Variants in ARHGEF18 observed in about 807,000 individuals in gnomAD.
The protein encoded by ARHGEF18 is Rho/Rac guanine nucleotide exchange factor 18.
ARHGEF18 carries 93 observed loss-of-function variants against 155.7 expected under a neutral mutation model. The observed-to-expected ratio is 0.60, with a 90% confidence interval of 0.50 to 0.71. ARHGEF18 has a LOEUF of 0.71. Among genes scored for constraint, ARHGEF18 ranks in the 30% least tolerant of loss-of-function variants. ARHGEF18 has a pLI of 0.00. For missense variants in ARHGEF18, 1,593 were observed against 1,816.1 expected, an observed-to-expected ratio of 0.88 and a Z score of 2.23; for synonymous variants, 742 against 753.1, an observed-to-expected ratio of 0.99 and a Z score of 0.24.
chr19:7,366,449 C>T (rs146079080), intron 2 of ARHGEF18, among the ~76,000 whole-genome samples: 2 of 152,328 alleles, frequency 1.3e-5, no homozygotes, highest in South Asian at 2.1e-4. Context: ...TGTTCTTTCA[C>T]TGCCTGTAAT....
intron 10 of ARHGEF18, among the ~76,000 whole-genome samples, chr19:7,434,249 G>A (rs1287064265): frequency 4.6e-5 from 7 of 151,812 alleles, no homozygotes; most frequent in African/African-American, 1.5e-4. Flanking sequence ...TCAGCCTCCC[G>A]AAGTGCTGGG....
rs1976359317 is a variant in ARHGEF18, at chr19:7,462,778, TG to T, written c.2635+447del. 6.6e-6 allele frequency among the ~76,000 whole-genome samples: 1 copy of T among 151,652 alleles called. No individual in the cohort carries two copies. Among genetic ancestry groups the T allele is most frequent in the South Asian group, 2.1e-4 (1 of 4,802 alleles). Reference sequence around the variant, plus strand: ...AGCTCTAACACAGCCGCCAGGCCCCTGGGCTGGCCGCTTGAGCAGGCAGTCA... The same window carrying T: ...AGCTCTAACACAGCCGCCAGGCCCCTGGCTGGCCGCTTGAGCAGGCAGTCA... On this transcript the variant is annotated intron_variant, in intron 21 of 28. Transcript: ENST00000668164. This position sits in a 1 kb window ranked among gnomAD's most constrained non-coding sequence, Gnocchi z 4.4.
intron 10 of ARHGEF18, among the ~76,000 whole-genome samples, chr19:7,397,927 C>T (rs374454324): frequency 1.3e-5 from 2 of 151,954 alleles, no homozygotes; most frequent in Non-Finnish European, 1.5e-5. Context: ...TCATGTGCAA[C>T]GTGACATATT....
rs74430301 is a variant in ARHGEF18, at chr19:7,429,862, C to T, written c.968-10482C>T. ...GTTCTGGTTCTTTCTTAAATCAGAGCGCTCCCGTGCATATGCCTTAGCAAA... is the reference window on the plus strand; with the variant it reads ...GTTCTGGTTCTTTCTTAAATCAGAGTGCTCCCGTGCATATGCCTTAGCAAA... On this transcript the variant is annotated intron_variant, in intron 10 of 28. Transcript: ENST00000668164. Among the ~76,000 whole-genome samples the T allele has an allele frequency of 8.1e-3, 1,234 of 152,084 alleles. 46 individuals are homozygous for T. Among genetic ancestry groups the T allele is most frequent in the Admixed American group, 0.053 (802 of 15,272 alleles).
chr19:7,356,663 T>C (rs1969319529), intron 1 of ARHGEF18, among the ~76,000 whole-genome samples: 2 of 152,308 alleles, frequency 1.3e-5, no homozygotes, highest in Middle Eastern at 6.8e-3. Flanking sequence ...AGGACAGTGC[T>C]GGACAATATC....
At position 7,463,609 on chromosome 19, in the gene ARHGEF18, G is replaced by A. The variant is rs776039516; in HGVS notation, c.2636-209G>A. On this transcript the variant is annotated intron_variant, in intron 21 of 28. Transcript: ENST00000668164. This position sits in a 1 kb window ranked among gnomAD's most constrained non-coding sequence, Gnocchi z 5.2. Reference sequence around the variant, plus strand: ...CACAGCCCTGTCCTCTCACTTAGACGCAGATTGGCCTGTCCTGGTGGCCAT... The same window carrying A: ...CACAGCCCTGTCCTCTCACTTAGACACAGATTGGCCTGTCCTGGTGGCCAT... 2.6e-5 allele frequency among the ~76,000 whole-genome samples: 4 copies of A among 152,196 alleles called. No homozygotes were observed. The highest frequency in any genetic ancestry group is 5.9e-5 in the Non-Finnish European group (4 of 68,028).
At chr19:7,375,367 A>G in intron 3 of ARHGEF18, among the ~76,000 whole-genome samples, 1 of 149,200 alleles carries the variant, frequency 6.7e-6, no homozygotes, top group Admixed American at 6.7e-5. Context: ...GGAAGGAAGG[A>G]AGGAAGGAAG....
At chr19:7,421,200 T>A (rs969047560) in intron 10 of ARHGEF18, among the ~76,000 whole-genome samples, 4 of 152,024 alleles carry the variant, frequency 2.6e-5, no homozygotes, top group African/African-American at 9.7e-5. Flanking sequence ...CAAATGCCGT[T>A]CCTCAGGATT....
At chr19:7,478,547 G>T in the ARHGEF18 span, among the ~76,000 whole-genome samples, 7 of 152,166 alleles carry the variant, frequency 4.6e-5, no homozygotes, top group Non-Finnish European at 1.0e-4. Flanking sequence ...TCATGCTCCC[G>T]GGGACTCATC....
chr19:7,434,148 G>A (rs983443396), intron 10 of ARHGEF18, among the ~76,000 whole-genome samples: 16 of 151,740 alleles, frequency 1.1e-4, no homozygotes, highest in African/African-American at 3.9e-4. Context: ...TCTTGTTTTA[G>A]TGTTTTTTAA....
chr19:7,478,469 T>G, the ARHGEF18 span: 1 of 1,349,080 alleles, frequency 7.4e-7, no homozygotes, highest in Non-Finnish European at 1.0e-6. Flanking sequence ...CTGGGACAGG[T>G]GCTGCATCTC....
chr19:7,434,591 G>T (rs760379260), intron 10 of ARHGEF18, among the ~76,000 whole-genome samples: 38 of 152,160 alleles, frequency 2.5e-4, no homozygotes, highest in Non-Finnish European at 4.7e-4. Flanking sequence ...CACAGAAAGT[G>T]CTGGACAGCA....
intron 18 of ARHGEF18, among the ~76,000 whole-genome samples, chr19:7,457,093 A>G (rs577126584): frequency 5.3e-5 from 8 of 152,250 alleles, no homozygotes; most frequent in African/African-American, 1.9e-4. Context: ...ACAAAGTACC[A>G]TGGACTGGGT....
At chr19:7,456,875 C>T (rs755065581) in intron 18 of ARHGEF18, among the ~76,000 whole-genome samples, 18 of 152,308 alleles carry the variant, frequency 1.2e-4, no homozygotes, top group Admixed American at 3.9e-4. Flanking sequence ...GCTGGGATTA[C>T]AGGCGCCCGC....
intron 10 of ARHGEF18, among the ~76,000 whole-genome samples, chr19:7,385,901 TCTCTCC>T (rs1568285915): frequency 5.2e-4 from 25 of 48,172 alleles, no homozygotes; most frequent in East Asian, 7.7e-4. Flanking sequence ...CCTCCCTCTC[TCTCTCC>T]CTCTCTCCCT....
At chr19:7,478,350 C>G in the ARHGEF18 span, 1 of 1,611,378 alleles carries the variant, frequency 6.2e-7, no homozygotes, top group Non-Finnish European at 8.5e-7. Flanking sequence ...CAGCCTCTGT[C>G]TCAGTTTCAG....
chr19:7,395,053 T>TCCTTCCGGGTCACGCCC lies in ARHGEF18; in HGVS notation c.967+11851_967+11867dup. ...AGCGCCCCGCCCTCGAGGGCACGCC[T>TCCTTCCGGGTCACGCCC]CCTTCCGGGTCACGCCCTCTGCCCC... On this transcript the variant is annotated intron_variant, in intron 10 of 28. Coordinates refer to ENST00000668164, the MANE Select transcript of ARHGEF18 (RefSeq NM_001367823.1). This position sits in a 1 kb window ranked among gnomAD's most constrained non-coding sequence, Gnocchi z 5.0. 4.1e-6 allele frequency: 4 copies of TCCTTCCGGGTCACGCCC among 985,288 alleles called. No individual in the cohort carries two copies. The highest frequency in any genetic ancestry group is 4.8e-6 in the Non-Finnish European group (4 of 829,882). 61.0% of individuals were successfully genotyped at this position (985,288 alleles called of 1,614,324 possible).
At chr19:7,383,338 T>G (rs1000167724) in intron 10 of ARHGEF18, 135 bp downstream of exon 10, 10 of 1,014,058 alleles carry the variant, frequency 9.9e-6, no homozygotes, top group African/African-American at 1.7e-5. Context: ...GGCGGCTCCC[T>G]GGAGAGAACC....
At chr19:7,371,808 A>G (rs1054385211) in intron 2 of ARHGEF18, among the ~76,000 whole-genome samples, 1 of 148,566 alleles carries the variant, frequency 6.7e-6, no homozygotes, top group African/African-American at 2.6e-5. Context: ...GCGACAGAGC[A>G]AGACTCCATC....
Sources: allele counts gnomAD v4.1 joint callset (sites outside exome capture counted in the v4.1 genomes callset), GRCh38; gene constraint gnomAD v4.1.1; non-coding constraint Gnocchi (gnomAD v3.1); transcripts MANE v1.5; gene names NCBI Gene and HGNC (gene_info 2026-07-23, HGNC 2026-07-21).